APLP1: variants seen among roughly 807,000 people sequenced by gnomAD.
The protein encoded by APLP1 is amyloid beta (A4) precursor-like protein 1.
APLP1 carries 46 observed loss-of-function variants against 84.5 expected under a neutral mutation model. The ratio of observed to expected loss-of-function variants is 0.54; its 90% CI spans 0.43 to 0.70. The LOEUF (loss-of-function observed/expected upper bound fraction) is 0.70. Ranked by LOEUF, APLP1 falls within the 30% of genes least tolerant of loss-of-function variation. The pLI, the probability that APLP1 is intolerant of heterozygous loss-of-function variation, is 0.00. For missense variants in APLP1, 826 were observed against 900.2 expected (o/e 0.92, Z 1.05); for synonymous variants, 376 against 364.0 (o/e 1.03, Z -0.38).
chr19:35,875,870 C>T (rs924366646), intron 10 of APLP1, among the ~76,000 whole-genome samples: 8 of 146,020 alleles, frequency 5.5e-5, no homozygotes, highest in African/African-American at 1.8e-4. Flanking sequence ...CTGCCCACCT[C>T]GGCCTCCCAA....
chr19:35,873,734 C>T (rs145629298), intron 8 of APLP1, 21 bp downstream of exon 8: 4 of 1,608,112 alleles, frequency 2.5e-6, no homozygotes, highest in Middle Eastern at 1.7e-4. Flanking sequence ...CCCAGTGGGT[C>T]CTACTCATGC....
intron 5 of APLP1, 37 bp from the exon 6 acceptor site, chr19:35,871,821 G>C: frequency 6.2e-7 from 1 of 1,613,010 alleles, no homozygotes; most frequent in Non-Finnish European, 8.5e-7. Flanking sequence ...GCCCAGGCCT[G>C]GGTTCTTACT....
rs764238430 is a variant in APLP1, at chr19:35,874,674, G to A, written c.1215+12G>A. 1.2e-5 allele frequency: 19 copies of A among 1,613,200 alleles called. No individual in the cohort carries two copies. In the South Asian group the frequency reaches 1.4e-4, roughly 12 times the overall value. ...CAGATCCGCCTCAGGTGCGGGGACC[G>A]TGGGGGCAGAGAGCAGAGGGTGAGA... On this transcript the variant is annotated intron_variant, in intron 9 of 16. Coordinates refer to ENST00000221891, the MANE Select transcript of APLP1 (RefSeq NM_001024807.3). This position sits in a 1 kb window ranked among gnomAD's most constrained non-coding sequence, Gnocchi z 6.4.
chr19:35,878,202 C>T, intron 13 of APLP1, 94 bp downstream of exon 13: 1 of 1,355,514 alleles, frequency 7.4e-7, no homozygotes, highest in Non-Finnish European at 1.0e-6. Context: ...CCTCAGACCC[C>T]CTGGGGTAGA....
At chr19:35,869,857 G>A (rs914430727) in intron 2 of APLP1, 47 bp downstream of exon 2, 2 of 1,546,510 alleles carry the variant, frequency 1.3e-6, no homozygotes, top group Admixed American at 4.0e-5. Flanking sequence ...TAGAAAGCTA[G>A]ACTTGAAAAA....
chr19:35,871,160 T>C, intron 3 of APLP1, 77 bp from the exon 4 acceptor site: 2 of 1,544,536 alleles, frequency 1.3e-6, no homozygotes, highest in Non-Finnish European at 8.8e-7. Flanking sequence ...CCTCTGAGGA[T>C]AAAATATCTG....
intron 7 of APLP1, among the ~76,000 whole-genome samples, chr19:35,873,252 T>TG (rs1246822353): frequency 6.6e-6 from 1 of 150,632 alleles, no homozygotes; most frequent in African/African-American, 2.4e-5. Context: ...AATCTTTTTT[T>TG]TTTTTTTTTT....
Position 35,870,047 on chromosome 19 carries a change from A to G in APLP1, c.291+237A>G, listed in dbSNP as rs1409511047. The G allele has an allele frequency of 1.5e-5, 9 of 590,226 alleles. No homozygotes were observed. The East Asian group carries it at 2.4e-4, about 16-fold the overall frequency. The allele number at this position is 590,226 out of a possible 1,614,324, so 36.6% of individuals were successfully genotyped here. A position where few individuals can be genotyped will look rare whatever the true frequency, so the allele number is the denominator to read the frequency against. The stretch of plus-strand genomic sequence containing the variant: ...TAGGAATCTGGTGGTCTTTGTAAAG[A>G]GTAGAGGTGTAGGGGGGAGTGGCGA... On this transcript the variant is annotated intron_variant, in intron 2 of 16. Transcript: ENST00000221891.
At chr19:35,872,844 T>TG (rs1307099424) in intron 7 of APLP1, among the ~76,000 whole-genome samples, 1 of 147,508 alleles carries the variant, frequency 6.8e-6, no homozygotes, top group African/African-American at 2.6e-5. Flanking sequence ...TTCACTTTAT[T>TG]GGTTTTTTTT....
chr19:35,872,881 C>T (rs1974193926), intron 7 of APLP1, among the ~76,000 whole-genome samples: 1 of 150,626 alleles, frequency 6.6e-6, no homozygotes, highest in South Asian at 2.1e-4. Flanking sequence ...GTTGTTGTGA[C>T]GGAGTTTCGC....
At position 35,872,882 on chromosome 19, in the gene APLP1, G is replaced by C. The variant is rs145514366; in HGVS notation, c.981+269G>C. Among the ~76,000 whole-genome samples, 1,382 of 151,044 alleles carry C rather than the reference G, an allele frequency of 9.1e-3. 20 individuals are homozygous for C. The highest frequency in any genetic ancestry group is 0.031 in the African/African-American group (1,291 of 41,030). Reference sequence around the variant, plus strand: ...TTTCTTTTGTTGTTGTTGTTGTGACGGAGTTTCGCTCTTAACACCCAGGCT... The same window carrying C: ...TTTCTTTTGTTGTTGTTGTTGTGACCGAGTTTCGCTCTTAACACCCAGGCT... On this transcript the variant is annotated intron_variant, in intron 7 of 16. Coordinates refer to ENST00000221891, the MANE Select transcript of APLP1 (RefSeq NM_001024807.3).
intron 10 of APLP1, among the ~76,000 whole-genome samples, chr19:35,876,026 C>T (rs371328607): frequency 1.2e-4 from 18 of 150,992 alleles, no homozygotes; most frequent in African/African-American, 2.9e-4. Flanking sequence ...CTGCCTACCT[C>T]GGCCTCCCAA....
At chr19:35,878,772 G>C in intron 14 of APLP1, 118 bp downstream of exon 14, 2 of 1,532,370 alleles carry the variant, frequency 1.3e-6, no homozygotes, top group Non-Finnish European at 1.8e-6. Context: ...AGAGGGAGCT[G>C]AGGACGTGGA....
At position 35,871,258 on chromosome 19, in the gene APLP1, C is replaced by T. The variant is rs200445460; in HGVS notation, c.446C>T (p.Ala149Val). The change falls in exon 4 of 17, where the codon GCC (alanine) becomes GTC (valine). Residue 149 changes from alanine (A) to valine (V), a missense_variant. Physicochemically the swap from Ala to Val is moderately conservative, Grantham distance 64 (BLOSUM62 0). This residue lies in a region of APLP1 where 383 missense variants were observed against 378.3 expected (regional missense o/e 1.01). Coordinates refer to ENST00000221891, the MANE Select transcript of APLP1 (RefSeq NM_001024807.3). ...RCLPGEFVSE[A>V]LLVPEGCRFL... is the part of the protein sequence containing the mutation. ...CCAGCTGGTGAATTTGTGAGTGAGG[C>T]CCTGCTGGTGCCTGAAGGCTGCCGG... 1 of 1,613,464 alleles carries T rather than the reference C, an allele frequency of 6.2e-7. No individual in the cohort carries two copies. The highest frequency in any genetic ancestry group is 8.5e-7 in the Non-Finnish European group (1 of 1,179,776).
At chr19:35,875,915 G>A (rs928481174) in intron 10 of APLP1, among the ~76,000 whole-genome samples, 1 of 148,118 alleles carries the variant, frequency 6.8e-6, no homozygotes, top group East Asian at 2.0e-4. Context: ...CACCATGCCC[G>A]GCCAGAAACC....
Position 35,869,796 on chromosome 19 carries a change from G to C in APLP1, c.277G>C (p.Glu93Gln), listed in dbSNP as rs766525205. Residue 93 changes from glutamate to glutamine, a missense_variant, in exon 2 of 17, where the codon GAG becomes CAG. Coordinates refer to ENST00000221891, the MANE Select transcript of APLP1 (RefSeq NM_001024807.3). ...RCLRDPQRVL[E>Q]YCRQMYPELQ... The stretch of plus-strand genomic sequence containing the variant: ...TCTCCGGGACCCGCAGCGCGTGCTG[G>C]AGTACTGCAGACAGGTGGGCGGGGC... 6.3e-7 allele frequency: 1 copy of C among 1,598,738 alleles called. No homozygotes were observed. Among genetic ancestry groups the C allele is most frequent in the South Asian group, 1.1e-5 (1 of 89,274 alleles).
chr19:35,874,430 C>T lies in APLP1; in HGVS notation c.1057-74C>T. On this transcript the variant is annotated intron_variant, in intron 8 of 16. Transcript: ENST00000221891. The surrounding 1 kb of genome is among the most constrained non-coding windows in gnomAD (Gnocchi z 6.4). Reference sequence around the variant, plus strand: ...CGCCCCCCAACCCCATGTAGCCCTGCCTTTCCAGGCTCTCTTTGACCAGGC... The same window carrying T: ...CGCCCCCCAACCCCATGTAGCCCTGTCTTTCCAGGCTCTCTTTGACCAGGC... 1 of 1,576,434 alleles carries T rather than the reference C, an allele frequency of 6.3e-7. No individual in the cohort carries two copies. Among genetic ancestry groups the T allele is most frequent in the Non-Finnish European group, 8.7e-7 (1 of 1,152,072 alleles).
chr19:35,878,661 T>A lies in APLP1; in HGVS notation c.1650+7T>A, dbSNP rs765705981. 1.9e-6 allele frequency: 3 copies of A among 1,613,916 alleles called. No homozygotes were observed. The highest frequency in any genetic ancestry group is 1.3e-5 in the African/African-American group (1 of 74,884). On this transcript the variant is annotated splice_region_variant and intron_variant, in intron 14 of 16. Transcript: ENST00000221891. ...GGAACAGTATGAGCGAAAGGTAAGT[T>A]AGTCAGAACTGTGGGCTCCCTAAGG...
At chr19:35,869,842 G>A (rs751434755) in intron 2 of APLP1, 32 bp downstream of exon 2, 3 of 1,556,920 alleles carry the variant, frequency 1.9e-6, no homozygotes, top group Non-Finnish European at 2.6e-6. Flanking sequence ...AGGCGGGGCC[G>A]CCCATAGAAA....
Sources: allele counts gnomAD v4.1 joint callset (sites outside exome capture counted in the v4.1 genomes callset), GRCh38; gene constraint gnomAD v4.1.1; regional missense constraint gnomAD v4.1.1; non-coding constraint Gnocchi (gnomAD v3.1); transcripts MANE v1.5; gene names NCBI Gene and HGNC (gene_info 2026-07-23, HGNC 2026-07-21).